Variants in RNF17 observed in about 807,000 individuals in gnomAD.
RNF17 encodes ring finger protein 17, also known as spermatogenesis associated 23.
RNF17 carries 31 observed loss-of-function variants against 200.5 expected under a neutral mutation model. The ratio of observed to expected loss-of-function variants is 0.15; its 90% CI spans 0.12 to 0.21. The LOEUF is 0.21. RNF17 is among the 10% of genes least tolerant of loss of function. The probability of loss-of-function intolerance (pLI) is 1.00; values close to 1 mark genes in which losing one functional copy is unlikely to be tolerated. For synonymous variants in RNF17, 606 were observed against 637.8 expected, an observed-to-expected ratio of 0.95 and a Z score of 0.75; for missense variants, 1,628 against 1,905.1, an observed-to-expected ratio of 0.85 and a Z score of 2.71.
chr13:24,750,142 T>C, the RNF17 span, among the ~76,000 whole-genome samples: 23,423 of 152,222 alleles, frequency 0.15, 2,093 homozygotes, highest in Non-Finnish European at 0.2. Flanking sequence ...AAATTCTCAT[T>C]AAATTTTTTT....
At chr13:24,769,408 C>A (rs1880330807) in intron 2 of RNF17, among the ~76,000 whole-genome samples, 1 of 152,092 alleles carries the variant, frequency 6.6e-6, no homozygotes, top group African/African-American at 2.4e-5. Flanking sequence ...CGTTCCTATT[C>A]CCCCATCCCC....
intron 9 of RNF17, among the ~76,000 whole-genome samples, chr13:24,790,190 T>G (rs1883671569): frequency 6.6e-6 from 1 of 152,148 alleles, no homozygotes; most frequent in South Asian, 2.1e-4. Context: ...TGGAAAGATA[T>G]TTTCTTTTCC....
intron 11 of RNF17, among the ~76,000 whole-genome samples, chr13:24,797,401 A>C (rs1884692780): frequency 6.6e-6 from 1 of 152,212 alleles, no homozygotes; most frequent in South Asian, 2.1e-4. Flanking sequence ...TCTGTACTTC[A>C]TCATGAAGAA....
rs749217074 is a variant in RNF17, at chr13:24,830,609, T to C, written c.2361+10T>C. 25 of 1,485,620 alleles carry C rather than the reference T, an allele frequency of 1.7e-5. No individual in the cohort carries two copies. The South Asian group carries it at 2.0e-4, about 12-fold the overall frequency. 92.0% of individuals were successfully genotyped at this position (1,485,620 alleles called of 1,614,324 possible). On this transcript the variant is annotated intron_variant, in intron 17 of 35. Coordinates refer to ENST00000255324, the MANE Select transcript of RNF17 (RefSeq NM_031277.3). ...GAATGCCCCAGAGAAGGTAATTTATTTATTATGAATTCTAGGGCTAGAATA... is the reference window on the plus strand; with the variant it reads ...GAATGCCCCAGAGAAGGTAATTTATCTATTATGAATTCTAGGGCTAGAATA...
upstream of RNF17, among the ~76,000 whole-genome samples, chr13:24,762,948 G>C (rs1459850424): frequency 1.3e-5 from 2 of 152,076 alleles, no homozygotes. Context: ...TCATACTCTG[G>C]CTAAATGGTC....
chr13:24,887,335 G>C, the RNF17 span, among the ~76,000 whole-genome samples: 2 of 152,242 alleles, frequency 1.3e-5, no homozygotes, highest in Admixed American at 1.3e-4. Context: ...GTAGGAACTG[G>C]GCCACACAGC....
At chr13:24,865,912 T>A (rs1027737639) in intron 29 of RNF17, among the ~76,000 whole-genome samples, 1 of 152,194 alleles carries the variant, frequency 6.6e-6, no homozygotes, top group African/African-American at 2.4e-5. Context: ...GAACTCCCAC[T>A]CTTATAATAA....
chr13:24,759,295 A>G (rs1878484615), upstream of RNF17, among the ~76,000 whole-genome samples: 1 of 152,160 alleles, frequency 6.6e-6, no homozygotes, highest in South Asian at 2.1e-4. Context: ...CTAATATTAC[A>G]TTGTTGGTAG....
intron 2 of RNF17, among the ~76,000 whole-genome samples, chr13:24,770,476 A>G (rs1248482682): frequency 6.6e-6 from 1 of 152,170 alleles, no homozygotes; most frequent in African/African-American, 2.4e-5. Context: ...TCTGCTGATA[A>G]TAGCATTAAC....
At chr13:24,849,221 G>T (rs1448170324) in intron 22 of RNF17, among the ~76,000 whole-genome samples, 1 of 152,084 alleles carries the variant, frequency 6.6e-6, no homozygotes, top group Non-Finnish European at 1.5e-5. Context: ...TGAAACTCTG[G>T]AACTAGAAAC....
Position 24,864,889 on chromosome 13 carries a change from C to T in RNF17, c.3992C>T (p.Pro1331Leu). The T allele has an allele frequency of 6.4e-7, 1 of 1,553,036 alleles. No homozygotes were observed. The highest frequency in any genetic ancestry group is 8.8e-7 in the Non-Finnish European group (1 of 1,137,686). Reference sequence around the variant, plus strand: ...TTTAAATAGGAGTTACCTAAAAATCCATGGGAGAAATTGTCTATTCACCTC... The same window carrying T: ...TTTAAATAGGAGTTACCTAAAAATCTATGGGAGAAATTGTCTATTCACCTC... ...DIHIMELPKNPWEKLSIHLYF... is the reference protein window; with the variant it reads ...DIHIMELPKNLWEKLSIHLYF... The change falls in exon 29 of 36, where the codon CCA becomes CTA. Residue 1331 changes from proline (P) to leucine (L), a missense_variant. Pro to Leu is a moderately conservative substitution (Grantham distance 98). Transcript: ENST00000255324.
chr13:24,795,166 T>C (rs1884404264), intron 10 of RNF17, among the ~76,000 whole-genome samples: 2 of 152,200 alleles, frequency 1.3e-5, no homozygotes, highest in African/African-American at 4.8e-5. Context: ...CTGTCATCTA[T>C]CTATACTTGA....
At chr13:24,875,114 C>G (rs1894716000) in intron 33 of RNF17, among the ~76,000 whole-genome samples, 1 of 152,006 alleles carries the variant, frequency 6.6e-6, no homozygotes, top group African/African-American at 2.4e-5. Flanking sequence ...GCATGGATTT[C>G]AAAATTTTTT....
At chr13:24,822,929 T>G (rs892907892) in intron 15 of RNF17, among the ~76,000 whole-genome samples, 13 of 152,220 alleles carry the variant, frequency 8.5e-5, no homozygotes, top group African/African-American at 3.1e-4. Context: ...TTGTGTCATA[T>G]CTTTACAGTT....
chr13:24,884,206 A>G, downstream of RNF17: 1 of 1,614,182 alleles, frequency 6.2e-7, no homozygotes. Flanking sequence ...CCCTCCGGGT[A>G]TGTCGTGTGA....
chr13:24,874,721 T>G (rs1466586846), intron 33 of RNF17, among the ~76,000 whole-genome samples: 1 of 152,172 alleles, frequency 6.6e-6, no homozygotes, highest in African/African-American at 2.4e-5. Context: ...CCATTTTAGT[T>G]ATTTTTAGGT....
At chr13:24,777,068 A>G (rs1050886421) in intron 3 of RNF17, among the ~76,000 whole-genome samples, 3 of 152,204 alleles carry the variant, frequency 2.0e-5, no homozygotes, top group Non-Finnish European at 2.9e-5. Context: ...AGAAACTGCT[A>G]TTCTCTAAGG....
intron 3 of RNF17, among the ~76,000 whole-genome samples, chr13:24,775,977 CTG>C (rs1304112426): frequency 6.6e-6 from 1 of 152,136 alleles, no homozygotes; most frequent in African/African-American, 2.4e-5. Context: ...TTTCCTGGAA[CTG>C]TACTCAGATG....
intron 10 of RNF17, among the ~76,000 whole-genome samples, chr13:24,795,176 AC>A (rs1884406351): frequency 6.6e-6 from 1 of 152,158 alleles, no homozygotes; most frequent in Admixed American, 6.5e-5. Context: ...TCTATACTTG[AC>A]TATATTCATT....
Sources: allele counts gnomAD v4.1 joint callset (sites outside exome capture counted in the v4.1 genomes callset), GRCh38; gene constraint gnomAD v4.1.1; transcripts MANE v1.5; gene names NCBI Gene and HGNC (gene_info 2026-07-23, HGNC 2026-07-21).